Variants in RYR2 observed in about 807,000 individuals in gnomAD.
RYR2 encodes the protein ryanodine receptor 2.
In RYR2, 227 loss-of-function variants were observed where a neutral mutation model predicts 601.1. The observed-to-expected ratio is 0.38, with a 90% confidence interval of 0.34 to 0.42. RYR2 has a LOEUF of 0.42. Ranked by LOEUF, RYR2 falls within the 10% of genes least tolerant of loss-of-function variation. The pLI is 1.00. For synonymous variants in RYR2, 2,223 were observed against 2,175.1 expected, an observed-to-expected ratio of 1.02 and a Z score of -0.61; for missense variants, 4,646 against 6,156.5, an observed-to-expected ratio of 0.75 and a Z score of 8.21.
At chr1:237,266,904 C>G (rs532301131) in intron 1 of RYR2, among the ~76,000 whole-genome samples, 45 of 152,162 alleles carry the variant, frequency 3.0e-4, no homozygotes, top group South Asian at 6.2e-4. Context: ...GCTATAGCCT[C>G]TCTCCTTGGT....
At chr1:237,407,123 T>G (rs1322839407) in intron 10 of RYR2, among the ~76,000 whole-genome samples, 1 of 152,200 alleles carries the variant, frequency 6.6e-6, no homozygotes, top group Non-Finnish European at 1.5e-5. Context: ...CACTTAGCAA[T>G]CTGCATATAT....
In RYR2 at chr1:237,469,194, T is replaced by C; in HGVS notation, c.1708+7T>C. On this transcript the variant is annotated splice_region_variant and intron_variant, in intron 17 of 104. Transcript: ENST00000366574. ...AGACTGGAAGCTTCTTCAGGTATGT[T>C]TTCTAGTTTTTTCCTTGTTGTGATA... 6.3e-7 allele frequency: 1 copy of C among 1,592,704 alleles called. No homozygotes were observed. Among genetic ancestry groups the C allele is most frequent in the South Asian group, 1.1e-5 (1 of 88,160 alleles).
chr1:237,396,929 A>G (rs1419616561), intron 10 of RYR2, among the ~76,000 whole-genome samples: 1 of 152,200 alleles, frequency 6.6e-6, no homozygotes, highest in African/African-American at 2.4e-5. Context: ...AATCTTTGGG[A>G]TCATAGAGTT....
chr1:237,586,503 A>G (rs1674543937), intron 29 of RYR2, among the ~76,000 whole-genome samples: 1 of 152,200 alleles, frequency 6.6e-6, no homozygotes, highest in Admixed American at 6.5e-5. Context: ...GCCAAAGATC[A>G]AATAGCTAAC....
At chr1:237,470,859 G>A (rs1353460983) in intron 17 of RYR2, among the ~76,000 whole-genome samples, 2 of 151,534 alleles carry the variant, frequency 1.3e-5, no homozygotes, top group Non-Finnish European at 1.5e-5. Context: ...GGAGAGATAG[G>A]GAAAGAGAGA....
intron 64 of RYR2, 137 bp downstream of exon 64, chr1:237,699,162 A>G (rs1687746164): frequency 2.2e-6 from 1 of 454,664 alleles, no homozygotes. Context: ...GGTGAAAAGA[A>G]AAACTTTTTA....
At chr1:237,504,443 G>A (rs1451205536) in intron 22 of RYR2, among the ~76,000 whole-genome samples, 1 of 152,102 alleles carries the variant, frequency 6.6e-6, no homozygotes, top group African/African-American at 2.4e-5. Context: ...TGATCAGTTC[G>A]GGTGGGGCAG....
intron 1 of RYR2, among the ~76,000 whole-genome samples, chr1:237,095,175 G>C (rs1667388686): frequency 6.6e-6 from 1 of 152,218 alleles, no homozygotes; most frequent in Admixed American, 6.5e-5. Context: ...AGACAACAAA[G>C]GGCAGAGGGC....
At chr1:237,435,127 A>G (rs1487636177) in intron 12 of RYR2, among the ~76,000 whole-genome samples, 2 of 152,078 alleles carry the variant, frequency 1.3e-5, no homozygotes, top group African/African-American at 4.8e-5. Context: ...TGGATTTTTT[A>G]TTTTTCATTC....
intron 74 of RYR2, among the ~76,000 whole-genome samples, chr1:237,724,335 C>A (rs1013744260): frequency 1.0e-5 from 1 of 95,688 alleles, no homozygotes; most frequent in Non-Finnish European, 2.9e-5. Flanking sequence ...GCTTGTATTC[C>A]TGTTTTATAT....
At chr1:237,799,869 G>A (rs942459571) in intron 97 of RYR2, among the ~76,000 whole-genome samples, 3 of 152,116 alleles carry the variant, frequency 2.0e-5, no homozygotes, top group African/African-American at 4.8e-5. Context: ...CTTCATTTGC[G>A]TCCTCACTGG....
chr1:237,403,909 T>G (rs914377362), intron 10 of RYR2, among the ~76,000 whole-genome samples: 2 of 152,076 alleles, frequency 1.3e-5, no homozygotes, highest in Non-Finnish European at 2.9e-5. Flanking sequence ...ACTGAGTGAA[T>G]AAAATAATGA....
rs1443988544 is a variant in RYR2 at position 237,819,096 on chromosome 1, G to A, written c.14494G>A (p.Glu4832Lys). 5 of 1,613,760 alleles carry A rather than the reference G, an allele frequency of 3.1e-6. No individual in the cohort carries two copies. Among genetic ancestry groups the A allele is most frequent in the South Asian group, 1.1e-5 (1 of 91,084 alleles). Residue 4832 changes from glutamate (E) to lysine (K), a missense_variant, in exon 101 of 105, where the codon GAA becomes AAA. By Grantham distance (56) the Glu-to-Lys change is moderately conservative (BLOSUM62 1). Around this residue, in one of 17 missense-constraint regions of RYR2, gnomAD observed 55 missense variants for 204.7 expected, o/e 0.27. Coordinates refer to ENST00000366574, the MANE Select transcript of RYR2 (RefSeq NM_001035.3). This position sits in a 1 kb window ranked among gnomAD's most constrained non-coding sequence, Gnocchi z 4.0. Reference protein sequence around the residue: ...RAGGGIGDEIEDPAGDEYEIY... With the variant: ...RAGGGIGDEIKDPAGDEYEIY... ...TGGAGGAGGGATCGGGGATGAAATC[G>A]AAGACCCAGCAGGAGATGAATATGA...
intron 1 of RYR2, among the ~76,000 whole-genome samples, chr1:237,239,081 C>G (rs142887846): frequency 2.0e-5 from 3 of 152,200 alleles, no homozygotes; most frequent in African/African-American, 4.8e-5. Context: ...AGTTATGATG[C>G]AAAAGCTAGG....
At chr1:237,439,716 C>T (rs1021258017) in intron 12 of RYR2, among the ~76,000 whole-genome samples, 2 of 151,482 alleles carry the variant, frequency 1.3e-5, no homozygotes, top group African/African-American at 4.9e-5. Flanking sequence ...TGAAATACAT[C>T]AATAAAATAC....
At chr1:237,569,695 A>G (rs1472167898) in intron 29 of RYR2, among the ~76,000 whole-genome samples, 3 of 152,158 alleles carry the variant, frequency 2.0e-5, no homozygotes, top group Non-Finnish European at 4.4e-5. Context: ...AGGACCCACA[A>G]TGGATCAGGT....
rs71180034 is a variant in RYR2 at position 237,530,909 on chromosome 1, C to CAA, written c.2906+411_2906+412dup. 9.4e-3 allele frequency among the ~76,000 whole-genome samples: 1,365 copies of CAA among 145,652 alleles called. 18 individuals are homozygous for CAA. The highest frequency in any genetic ancestry group is 0.031 in the African/African-American group (1,226 of 39,548). Reference sequence around the variant, plus strand: ...TGGGCAACAGAGTGAGACTCCATCTCAAAAAAAAAAAAATTCAGATTCAAA... The same window carrying CAA: ...TGGGCAACAGAGTGAGACTCCATCTCAAAAAAAAAAAAAAATTCAGATTCAAA... On this transcript the variant is annotated intron_variant, in intron 25 of 104. Coordinates refer to ENST00000366574, the MANE Select transcript of RYR2 (RefSeq NM_001035.3).
chr1:237,792,583 C>G (rs1297928962), intron 94 of RYR2, among the ~76,000 whole-genome samples: 1 of 152,048 alleles, frequency 6.6e-6, no homozygotes, highest in African/African-American at 2.4e-5. Context: ...CAGCAGGTGC[C>G]GTCTCCAAAG....
intron 98 of RYR2, among the ~76,000 whole-genome samples, chr1:237,802,799 G>A (rs1660124815): frequency 6.6e-6 from 1 of 152,232 alleles, no homozygotes. Context: ...TATTTGCATA[G>A]CCCACTTTTG....
Sources: allele counts gnomAD v4.1 joint callset (sites outside exome capture counted in the v4.1 genomes callset), GRCh38; gene constraint gnomAD v4.1.1; regional missense constraint gnomAD v4.1.1; non-coding constraint Gnocchi (gnomAD v3.1); transcripts MANE v1.5; gene names NCBI Gene and HGNC (gene_info 2026-07-23, HGNC 2026-07-21).